The following ITGB8 variants were observed in gnomAD, a reference collection of about 807,000 sequenced individuals.
ITGB8 encodes the protein integrin subunit beta 8.
Under a neutral mutation model 89.5 loss-of-function variants are expected in ITGB8, and 30 were observed. The ratio of observed to expected loss-of-function variants is 0.34; its 90% CI spans 0.25 to 0.45. ITGB8 has a LOEUF of 0.45. ITGB8 is among the 20% of genes least tolerant of loss of function. The probability of loss-of-function intolerance (pLI) is 1.00; values close to 1 mark genes in which losing one functional copy is unlikely to be tolerated. For synonymous variants in ITGB8, 335 were observed against 320.4 expected (o/e 1.05, Z -0.49); for missense variants, 836 against 933.3 (o/e 0.90, Z 1.36).
chr7:20,363,626 C>T lies in ITGB8; in HGVS notation c.128-11C>T. On this transcript the variant is annotated splice_polypyrimidine_tract_variant and intron_variant, in intron 1 of 13. Transcript: ENST00000222573. ...GAGAGTAAATTATAACTGTTTTCTC[C>T]TTCATTGCAGAAGACAATAGATGTG... The T allele has an allele frequency of 6.5e-7, 1 of 1,530,632 alleles. No individual in the cohort carries two copies. The allele number at this position is 1,530,632 out of a possible 1,614,324, so 94.8% of individuals were successfully genotyped here. A position where few individuals can be genotyped will look rare whatever the true frequency, so the allele number is the denominator to read the frequency against.
In ITGB8 at chr7:20,414,968, T is replaced by C. The variant is rs965543997; in HGVS notation, c.*4971T>C. The C allele has an allele frequency of 1.1e-4, 15 of 141,862 alleles. No individual in the cohort carries two copies. The highest frequency in any genetic ancestry group is 3.7e-4 in the African/African-American group (14 of 38,048). 8.8% of individuals were successfully genotyped at this position (141,862 alleles called of 1,614,324 possible). On this transcript the variant is annotated 3_prime_UTR_variant, in exon 14 of 14. Transcript: ENST00000222573. ...CCTCTACAACCTACTTCAGTTAAAA[T>C]TGTCTAATACAGCAATATTTAAAAA...
intron 1 of ITGB8, chr7:20,352,760 T>C (rs1355912879): frequency 1.2e-4 from 19 of 152,226 alleles, no homozygotes; most frequent in Admixed American, 4.6e-4. Flanking sequence ...CAGAATACTC[T>C]GTGTTTAGGG....
At position 20,411,626 on chromosome 7, in the gene ITGB8, T is replaced by C. The variant is rs1011217069; in HGVS notation, c.*1629T>C. On this transcript the variant is annotated 3_prime_UTR_variant, in exon 14 of 14. Coordinates refer to ENST00000222573, the MANE Select transcript of ITGB8 (RefSeq NM_002214.3). ...TGCTACCTCTTGAATCTTTAAAATA[T>C]TCAATTGGCAAATGTTTTTCAATGT... The C allele has an allele frequency of 6.5e-6, 1 of 152,690 alleles. No homozygotes were observed. The highest frequency in any genetic ancestry group is 1.5e-5 in the Non-Finnish European group (1 of 68,048). The allele number at this position is 152,690 out of a possible 1,614,324, so 9.5% of individuals were successfully genotyped here. A position where few individuals can be genotyped will look rare whatever the true frequency, so the allele number is the denominator to read the frequency against.
intron 1 of ITGB8, among the ~76,000 whole-genome samples, chr7:20,359,440 C>T (rs1339663110): frequency 1.3e-5 from 2 of 152,192 alleles, no homozygotes; most frequent in East Asian, 1.9e-4. Context: ...CAGGCACAAC[C>T]TCTAATGAGG....
At chr7:20,355,300 C>T in intron 1 of ITGB8, among the ~76,000 whole-genome samples, 1 of 152,176 alleles carries the variant, frequency 6.6e-6, no homozygotes, top group Non-Finnish European at 1.5e-5. Flanking sequence ...AGGCCACACT[C>T]CCATTGCACC....
At chr7:20,356,294 T>C (rs934817696) in intron 1 of ITGB8, among the ~76,000 whole-genome samples, 8 of 152,230 alleles carry the variant, frequency 5.3e-5, no homozygotes, top group Non-Finnish European at 7.3e-5. Flanking sequence ...CCAATGTATT[T>C]ATTTGTTTTA....
intron 1 of ITGB8, among the ~76,000 whole-genome samples, chr7:20,346,209 C>T (rs1784917507): frequency 6.6e-6 from 1 of 152,134 alleles, no homozygotes; most frequent in South Asian, 2.1e-4. Context: ...TCAGCGATTA[C>T]TCATGAGGTC....
intron 1 of ITGB8, among the ~76,000 whole-genome samples, chr7:20,347,891 T>G (rs1442923256): frequency 6.6e-6 from 1 of 152,156 alleles, no homozygotes. Context: ...TGCTTGAGAA[T>G]GAGAGAAGTG....
chr7:20,406,199 C>T (rs1787536799), intron 12 of ITGB8, 28 bp downstream of exon 12: 1 of 1,285,812 alleles, frequency 7.8e-7, no homozygotes, highest in African/African-American at 1.5e-5. Flanking sequence ...AATCAAAGCA[C>T]AGAAGAGTGT....
At chr7:20,408,301 G>A (rs1787626833) in intron 12 of ITGB8, among the ~76,000 whole-genome samples, 1 of 151,070 alleles carries the variant, frequency 6.6e-6, no homozygotes, top group South Asian at 2.1e-4. Flanking sequence ...ACAGAGACCT[G>A]CACTGGCATT....
chr7:20,397,379 G>A (rs1470495313), intron 8 of ITGB8, among the ~76,000 whole-genome samples: 2 of 151,870 alleles, frequency 1.3e-5, no homozygotes, highest in Middle Eastern at 3.2e-3. Flanking sequence ...GGCGTATCAC[G>A]CACACCCGGC....
At chr7:20,393,543 T>C (rs73683474) in intron 7 of ITGB8, among the ~76,000 whole-genome samples, 11 of 152,328 alleles carry the variant, frequency 7.2e-5, no homozygotes, top group African/African-American at 2.6e-4. Flanking sequence ...GTTTCAGCGG[T>C]GCCCTCTGAA....
intron 4 of ITGB8, 138 bp from the exon 5 acceptor site, chr7:20,380,528 T>C (rs4721902): frequency 0.42 from 271,700 of 648,170 alleles, 58,328 homozygotes; most frequent in Admixed American, 0.51. Flanking sequence ...TTTATAAGCA[T>C]AGATTTTCGT....
chr7:20,353,606 CT>C (rs1169445154), intron 1 of ITGB8, among the ~76,000 whole-genome samples: 2 of 152,096 alleles, frequency 1.3e-5, no homozygotes, highest in African/African-American at 4.8e-5. Flanking sequence ...GCTAGTTCAG[CT>C]GAACTACACA....
At chr7:20,337,858 T>C (rs1784626719) in intron 1 of ITGB8, among the ~76,000 whole-genome samples, 1 of 152,210 alleles carries the variant, frequency 6.6e-6, no homozygotes, top group South Asian at 2.1e-4. Context: ...ATCTCCAGAA[T>C]TCTTAGCCTA....
Position 20,394,793 on chromosome 7 carries a change from G to T in ITGB8, c.1057-103G>T, listed in dbSNP as rs375541209. On this transcript the variant is annotated intron_variant, in intron 7 of 13. Transcript: ENST00000222573. ...TCTTATAGGTTTTCATTCATTTAAT[G>T]GTTCACCTTCAACTGATAACTACAA... 2.3e-5 allele frequency: 18 copies of T among 776,782 alleles called. 1 individual carries two copies. The African/African-American group carries it at 2.6e-4, about 11-fold the overall frequency. The allele number at this position is 776,782 out of a possible 1,614,324, so 48.1% of individuals were successfully genotyped here.
At chr7:20,379,852 T>A (rs1046861611) in intron 4 of ITGB8, 2 of 152,202 alleles carry the variant, frequency 1.3e-5, no homozygotes, top group Non-Finnish European at 2.9e-5. Context: ...TTCTTATCAT[T>A]TTAGATTTCT....
At chr7:20,374,697 C>T (rs114728782) in intron 3 of ITGB8, among the ~76,000 whole-genome samples, 252 of 152,162 alleles carry the variant, frequency 1.7e-3, no homozygotes, top group African/African-American at 5.9e-3. Flanking sequence ...GGAAGGACCA[C>T]AGGCAGGGCA....
Position 20,331,810 on chromosome 7 carries a change from T to G in ITGB8, c.4T>G (p.Cys2Gly), listed in dbSNP as rs1335251881. ...GCGGGGCGGGCTGTTTTGCATTATG[T>G]GCGGCTCGGCCCTGGCTTTTTTTAC... M[C>G]GSALAFFTAA... The change falls in exon 1 of 14, where the codon TGC becomes GGC. Residue 2 changes from cysteine to glycine, a missense_variant. Physicochemically the swap from Cys to Gly is radical, Grantham distance 159. Around this residue, in one of 5 missense-constraint regions of ITGB8, gnomAD observed 182 missense variants for 177.0 expected, o/e 1.03. Coordinates refer to ENST00000222573, the MANE Select transcript of ITGB8 (RefSeq NM_002214.3). 3.1e-6 allele frequency: 5 copies of G among 1,612,622 alleles called. No individual in the cohort carries two copies. Among genetic ancestry groups the G allele is most frequent in the Non-Finnish European group, 4.2e-6 (5 of 1,179,954 alleles).
Sources: allele counts gnomAD v4.1 joint callset (sites outside exome capture counted in the v4.1 genomes callset), GRCh38; gene constraint gnomAD v4.1.1; regional missense constraint gnomAD v4.1.1; transcripts MANE v1.5; gene names NCBI Gene and HGNC (gene_info 2026-07-23, HGNC 2026-07-21).